Variants in UBAP1 observed in about 807,000 individuals in gnomAD.
The protein encoded by UBAP1 is ubiquitin-associated protein 1.
Under a neutral mutation model 39.0 loss-of-function variants are expected in UBAP1, and 5 were observed. The ratio of observed to expected loss-of-function variants is 0.13; its 90% confidence interval spans 0.07 to 0.27. The LOEUF (loss-of-function observed/expected upper bound fraction) is 0.27, where lower values mean the gene tolerates loss of function less well. UBAP1 is among the 10% of genes least tolerant of loss of function. UBAP1 has a pLI of 1.00. For missense variants in UBAP1, 490 were observed against 608.1 expected, an observed-to-expected ratio of 0.81 and a Z score of 2.04; for synonymous variants, 211 against 225.1, an observed-to-expected ratio of 0.94 and a Z score of 0.56.
At chr9:34,230,418 G>C (rs1833348610) in intron 2 of UBAP1, among the ~76,000 whole-genome samples, 1 of 152,126 alleles carries the variant, frequency 6.6e-6, no homozygotes, top group African/African-American at 2.4e-5. Context: ...TATCATCTGT[G>C]CTTATTAGTG....
intron 1 of UBAP1, among the ~76,000 whole-genome samples, chr9:34,184,195 T>A (rs1223677223): frequency 2.0e-5 from 3 of 152,182 alleles, no homozygotes; most frequent in African/African-American, 7.2e-5. Context: ...CAGTAATATT[T>A]TCCTATGAAT....
chr9:34,186,126 G>A (rs749474958), intron 1 of UBAP1, among the ~76,000 whole-genome samples: 1 of 152,110 alleles, frequency 6.6e-6, no homozygotes, highest in Non-Finnish European at 1.5e-5. Flanking sequence ...ATACCATTGT[G>A]AACTGCTTGT....
chr9:34,240,439 T>G (rs1421819524), intron 3 of UBAP1, among the ~76,000 whole-genome samples: 1 of 152,200 alleles, frequency 6.6e-6, no homozygotes, highest in Non-Finnish European at 1.5e-5. Flanking sequence ...TCTAGTGCTT[T>G]GGGGTGAAAG....
At chr9:34,197,814 T>G (rs1007318357) in intron 1 of UBAP1, among the ~76,000 whole-genome samples, 1 of 152,204 alleles carries the variant, frequency 6.6e-6, no homozygotes, top group African/African-American at 2.4e-5. Context: ...CCTCCTGAAG[T>G]GCTAGGATTA....
intron 1 of UBAP1, among the ~76,000 whole-genome samples, chr9:34,214,747 C>G (rs547793512): frequency 6.6e-6 from 1 of 152,028 alleles, no homozygotes. Flanking sequence ...ATACATCTGA[C>G]AAAGGACTGA....
intron 1 of UBAP1, among the ~76,000 whole-genome samples, chr9:34,184,901 C>G (rs1286701129): frequency 6.8e-6 from 1 of 146,472 alleles, no homozygotes; most frequent in Admixed American, 6.8e-5. Flanking sequence ...GGATTACAGG[C>G]GTGCGCCACC....
At chr9:34,212,392 A>AACACACACACAC (rs35251034) in intron 1 of UBAP1, among the ~76,000 whole-genome samples, 8,061 of 142,100 alleles carry the variant, frequency 0.057, 269 homozygotes, top group East Asian at 0.12. Flanking sequence ...TTTCTATTAA[A>AACACACACACAC]ACACACACAC....
chr9:34,241,855 A>G lies in UBAP1; in HGVS notation c.830A>G (p.Asn277Ser), dbSNP rs371124885. 103 of 1,614,034 alleles carry G rather than the reference A, an allele frequency of 6.4e-5. No homozygotes were observed. Among genetic ancestry groups the G allele is most frequent in the Middle Eastern group, 1.6e-4 (1 of 6,084 alleles). Residue 277 changes from asparagine to serine, a missense_variant, in exon 4 of 7, where the codon AAT becomes AGT. Asn to Ser is a conservative substitution (Grantham distance 46). Transcript: ENST00000297661. Reference protein sequence around the residue: ...SFPKLDSDDSNQKTAKLASTF... With the variant: ...SFPKLDSDDSSQKTAKLASTF... ...CCCAAACTTGACTCTGATGACAGCA[A>G]TCAGAAGACAGCCAAGCTGGCGAGC...
intron 1 of UBAP1, among the ~76,000 whole-genome samples, chr9:34,181,111 G>GTTTTCTTTC (rs1554644643): frequency 5.7e-5 from 2 of 35,284 alleles, no homozygotes; most frequent in Non-Finnish European, 1.4e-4. Flanking sequence ...CACCCGGCCT[G>GTTTTCTTTC]TTTTCTTTTT....
At position 34,202,078 on chromosome 9, in the gene UBAP1, G is replaced by T. The variant is rs1831405011; in HGVS notation, c.-7-18830G>T. On this transcript the variant is annotated intron_variant, in intron 1 of 6. Transcript: ENST00000297661. ...GAACCTCCGTCCAGGTGTTCAGCTAGCCAGAAGCTCTCCAAATCCAGTCCT... is the reference window on the plus strand; with the variant it reads ...GAACCTCCGTCCAGGTGTTCAGCTATCCAGAAGCTCTCCAAATCCAGTCCT... 2.6e-5 allele frequency among the ~76,000 whole-genome samples: 4 copies of T among 152,276 alleles called. No individual in the cohort carries two copies. In the South Asian group the frequency reaches 8.3e-4, roughly 32 times the overall value.
chr9:34,181,015 G>A (rs1437067241), intron 1 of UBAP1, among the ~76,000 whole-genome samples: 3 of 151,168 alleles, frequency 2.0e-5, no homozygotes, highest in Non-Finnish European at 4.4e-5. Flanking sequence ...TCACCATGTT[G>A]GTCAGGCTGG....
At chr9:34,245,943 G>C (rs1292552930) in intron 4 of UBAP1, among the ~76,000 whole-genome samples, 1 of 151,838 alleles carries the variant, frequency 6.6e-6, no homozygotes, top group African/African-American at 2.4e-5. Context: ...GATTGCTTGA[G>C]CCCAGGACTT....
At chr9:34,212,622 G>A (rs1319946147) in intron 1 of UBAP1, among the ~76,000 whole-genome samples, 1 of 151,816 alleles carries the variant, frequency 6.6e-6, no homozygotes, top group Non-Finnish European at 1.5e-5. Flanking sequence ...AAAATAAATG[G>A]GTTTAGGGAA....
intron 5 of UBAP1, among the ~76,000 whole-genome samples, 185 bp downstream of exon 5, chr9:34,250,146 C>T (rs1263265974): frequency 2.0e-5 from 3 of 152,190 alleles, no homozygotes; most frequent in Non-Finnish European, 4.4e-5. Flanking sequence ...GAAGCTATTC[C>T]GGGACCCAGG....
chr9:34,199,832 G>C (rs1414159864), intron 1 of UBAP1, among the ~76,000 whole-genome samples: 1 of 148,156 alleles, frequency 6.7e-6, no homozygotes, highest in African/African-American at 2.5e-5. Flanking sequence ...GTAGAGACTG[G>C]GTTTCACCAT....
Position 34,234,208 on chromosome 9 carries a change from G to T in UBAP1, c.35-8G>T. The T allele has an allele frequency of 1.3e-6, 2 of 1,589,258 alleles. No individual in the cohort carries two copies. The highest frequency in any genetic ancestry group is 1.4e-5 in the African/African-American group (1 of 73,432). On this transcript the variant is annotated splice_region_variant and splice_polypyrimidine_tract_variant and intron_variant, in intron 2 of 6. Coordinates refer to ENST00000297661, the MANE Select transcript of UBAP1 (RefSeq NM_016525.5). ...TGCTGATATTTTCTACTTTATTTTT[G>T]ATTATAGGGACTTTCAGTTACCTTG...
intron 2 of UBAP1, chr9:34,223,956 ATTACATGG>A (rs1279422780): frequency 2.8e-6 from 1 of 354,576 alleles, no homozygotes; most frequent in Admixed American, 4.7e-5. Flanking sequence ...AAACACCTTC[ATTACATGG>A]GTGAAGACAA....
intron 2 of UBAP1, among the ~76,000 whole-genome samples, chr9:34,230,624 AATCTT>A (rs1199951311): frequency 6.6e-6 from 1 of 152,210 alleles, no homozygotes; most frequent in Admixed American, 6.6e-5. Flanking sequence ...CTTTTGTTCT[AATCTT>A]TTAAAATATA....
chr9:34,209,581 G>A (rs1831904391), intron 1 of UBAP1, among the ~76,000 whole-genome samples: 1 of 152,120 alleles, frequency 6.6e-6, no homozygotes, highest in South Asian at 2.1e-4. Flanking sequence ...TAAAACACCT[G>A]TTACGTACTC....
Sources: allele counts gnomAD v4.1 joint callset (sites outside exome capture counted in the v4.1 genomes callset), GRCh38; gene constraint gnomAD v4.1.1; transcripts MANE v1.5; gene names NCBI Gene and HGNC (gene_info 2026-07-23, HGNC 2026-07-21).